Variants in GRK5 observed in about 807,000 individuals in gnomAD.
GRK5 encodes g protein-coupled receptor kinase GRK5.
Under a neutral mutation model 78.4 loss-of-function variants are expected in GRK5, and 40 were observed. That is an observed-to-expected ratio of 0.51 (90% CI 0.40 to 0.66). The LOEUF (loss-of-function observed/expected upper bound fraction) is 0.66, where lower values mean the gene tolerates loss of function less well. GRK5 is among the 30% of genes least tolerant of loss of function. The pLI is 0.00. For synonymous variants in GRK5, 289 were observed against 296.8 expected, an observed-to-expected ratio of 0.97 and a Z score of 0.27; for missense variants, 598 against 759.9, an observed-to-expected ratio of 0.79 and a Z score of 2.50.
chr10:119,450,698 G>C (rs1467550992), intron 13 of GRK5, among the ~76,000 whole-genome samples: 1 of 152,062 alleles, frequency 6.6e-6, no homozygotes, highest in Non-Finnish European at 1.5e-5. Context: ...AGTGACCCTG[G>C]CCACTTCGAA....
At chr10:119,229,172 G>A (rs1275156158) in intron 1 of GRK5, among the ~76,000 whole-genome samples, 1 of 152,190 alleles carries the variant, frequency 6.6e-6, no homozygotes, top group African/African-American at 2.4e-5. Context: ...TAAGGGGCAA[G>A]AATGGGGAAT....
chr10:119,243,188 G>C (rs905763059), intron 1 of GRK5, among the ~76,000 whole-genome samples: 24 of 152,184 alleles, frequency 1.6e-4, no homozygotes, highest in African/African-American at 5.5e-4. Context: ...AGTGAGCTGA[G>C]ATCACACCAC....
Position 119,456,745 on chromosome 10 carries a change from A to T in GRK5, c.*1678A>T, listed in dbSNP as rs1253491004. Reference sequence around the variant, plus strand: ...GGCTCTCAGCGGGGCTTTGGGGGTGATCATCCCAAACACATTTCTCTGGAT... The same window carrying T: ...GGCTCTCAGCGGGGCTTTGGGGGTGTTCATCCCAAACACATTTCTCTGGAT... On this transcript the variant is annotated 3_prime_UTR_variant, in exon 16 of 16. Coordinates refer to ENST00000392870, the MANE Select transcript of GRK5 (RefSeq NM_005308.3). This position sits in a 1 kb window ranked among gnomAD's most constrained non-coding sequence, Gnocchi z 5.5. 2 of 152,192 alleles carry T rather than the reference A, an allele frequency of 1.3e-5. No homozygotes were observed. The highest frequency in any genetic ancestry group is 2.9e-5 in the Non-Finnish European group (2 of 68,032). 9.4% of individuals were successfully genotyped at this position (152,192 alleles called of 1,614,324 possible).
chr10:119,416,585 CTCTCTT>C (rs1276376614), intron 4 of GRK5, among the ~76,000 whole-genome samples: 91 of 137,012 alleles, frequency 6.6e-4, no homozygotes, highest in East Asian at 1.2e-3. Flanking sequence ...CGCTCTCTCT[CTCTCTT>C]TTTTTTTTTT....
At chr10:119,347,388 C>T (rs573409174) in intron 2 of GRK5, among the ~76,000 whole-genome samples, 3 of 150,090 alleles carry the variant, frequency 2.0e-5, no homozygotes, top group African/African-American at 7.4e-5. Context: ...TGTGTGTTTG[C>T]GAGTGTGCAT....
At chr10:119,261,226 C>A (rs1488349548) in intron 1 of GRK5, among the ~76,000 whole-genome samples, 8 of 144,120 alleles carry the variant, frequency 5.6e-5, no homozygotes, top group Non-Finnish European at 1.5e-5. Flanking sequence ...TCAGACGGGG[C>A]GGCCGGGCAG....
intron 1 of GRK5, among the ~76,000 whole-genome samples, chr10:119,243,754 A>G (rs10787939): frequency 0.71 from 107,959 of 151,926 alleles, 43,072 homozygotes; most frequent in Non-Finnish European, 0.9. Flanking sequence ...GGTGGGGGTC[A>G]TGTGGAATGA....
intron 8 of GRK5, among the ~76,000 whole-genome samples, chr10:119,435,995 C>T (rs1011318526): frequency 6.6e-6 from 1 of 152,174 alleles, no homozygotes; most frequent in Non-Finnish European, 1.5e-5. Context: ...CCTTATAAAA[C>T]CATCAGGTCT....
chr10:119,314,702 A>T (rs1242502208), intron 1 of GRK5, among the ~76,000 whole-genome samples: 1 of 152,136 alleles, frequency 6.6e-6, no homozygotes, highest in Non-Finnish European at 1.5e-5. Flanking sequence ...GCAGCCCTTC[A>T]TGTTTTCTTC....
At chr10:119,268,317 A>G (rs1043614010) in intron 1 of GRK5, among the ~76,000 whole-genome samples, 3 of 152,174 alleles carry the variant, frequency 2.0e-5, no homozygotes, top group South Asian at 2.1e-4. Context: ...GTTTTTTTGC[A>G]TGCAGTGTTT....
At chr10:119,360,718 G>A (rs1188735635) in intron 2 of GRK5, among the ~76,000 whole-genome samples, 1 of 152,178 alleles carries the variant, frequency 6.6e-6, no homozygotes, top group Admixed American at 6.5e-5. Context: ...GCTAAGTTAG[G>A]AGAAGATGGT....
chr10:119,220,510 G>A (rs1274633510), intron 1 of GRK5, among the ~76,000 whole-genome samples: 1 of 152,074 alleles, frequency 6.6e-6, no homozygotes, highest in African/African-American at 2.4e-5. Flanking sequence ...CATGGTCCTT[G>A]GTATTTTTGC....
chr10:119,322,452 G>A (rs192422959), intron 1 of GRK5, among the ~76,000 whole-genome samples: 5 of 152,244 alleles, frequency 3.3e-5, no homozygotes, highest in African/African-American at 1.2e-4. Flanking sequence ...GAACCACTGA[G>A]GTAACGCGTT....
intron 1 of GRK5, among the ~76,000 whole-genome samples, chr10:119,268,244 T>C (rs568842728): frequency 5.9e-5 from 9 of 152,374 alleles, no homozygotes; most frequent in African/African-American, 1.9e-4. Flanking sequence ...GAACAAGCTT[T>C]GTGTTAAATT....
chr10:119,431,635 A>G lies in GRK5; in HGVS notation c.738+108A>G. Reference sequence around the variant, plus strand: ...AATGCGGCCGGTCCCCACCCCTGGGAAGGGGAATGCCAGTGGCAGCGCTGA... The same window carrying G: ...AATGCGGCCGGTCCCCACCCCTGGGGAGGGGAATGCCAGTGGCAGCGCTGA... On this transcript the variant is annotated intron_variant, in intron 8 of 15. Transcript: ENST00000392870. This position sits in a 1 kb window ranked among gnomAD's most constrained non-coding sequence, Gnocchi z 4.8. 2 of 1,316,622 alleles carry G rather than the reference A, an allele frequency of 1.5e-6. No homozygotes were observed. The highest frequency in any genetic ancestry group is 2.1e-6 in the Non-Finnish European group (2 of 963,846). 81.6% of individuals were successfully genotyped at this position (1,316,622 alleles called of 1,614,324 possible).
intron 1 of GRK5, among the ~76,000 whole-genome samples, chr10:119,254,601 G>A (rs540196131): frequency 1.3e-4 from 20 of 152,168 alleles, no homozygotes; most frequent in African/African-American, 4.6e-4. Flanking sequence ...GCTGGGGCAC[G>A]GAGGATGTCA....
At chr10:119,234,226 G>A (rs1484324229) in intron 1 of GRK5, among the ~76,000 whole-genome samples, 1 of 152,228 alleles carries the variant, frequency 6.6e-6, no homozygotes, top group African/African-American at 2.4e-5. Context: ...AGCTCAGGGA[G>A]GTTCCTAAAC....
intron 4 of GRK5, among the ~76,000 whole-genome samples, chr10:119,413,411 G>A (rs942375161): frequency 6.6e-5 from 10 of 150,864 alleles, no homozygotes; most frequent in Admixed American, 2.0e-4. Context: ...ACACAGGCGC[G>A]TGCACACACA....
chr10:119,319,151 C>T (rs1366386734), intron 1 of GRK5, among the ~76,000 whole-genome samples: 3 of 152,206 alleles, frequency 2.0e-5, no homozygotes, highest in Admixed American at 6.5e-5. Flanking sequence ...TTCCCCTTAA[C>T]ATACTTCCCC....
Sources: allele counts gnomAD v4.1 joint callset (sites outside exome capture counted in the v4.1 genomes callset), GRCh38; gene constraint gnomAD v4.1.1; non-coding constraint Gnocchi (gnomAD v3.1); transcripts MANE v1.5; gene names NCBI Gene and HGNC (gene_info 2026-07-23, HGNC 2026-07-21).